Variants in TMEM168 observed in about 807,000 individuals in gnomAD.
TMEM168 encodes transmembrane protein 168.
In TMEM168, 40 loss-of-function variants were observed where a neutral mutation model predicts 53.2. The ratio of observed to expected loss-of-function variants is 0.75; its 90% confidence interval spans 0.58 to 0.98. TMEM168 has a LOEUF of 0.98. Ranked by LOEUF, TMEM168 falls within the 50% of genes least tolerant of loss-of-function variation. The probability of loss-of-function intolerance (pLI) is 0.00; values close to 1 mark genes in which losing one functional copy is unlikely to be tolerated. For missense variants in TMEM168, 771 were observed against 828.8 expected, an observed-to-expected ratio of 0.93 and a Z score of 0.86; for synonymous variants, 282 against 293.0, an observed-to-expected ratio of 0.96 and a Z score of 0.38.
At chr7:112,773,258 C>T (rs1016846602) in intron 3 of TMEM168, among the ~76,000 whole-genome samples, 2 of 152,042 alleles carry the variant, frequency 1.3e-5, no homozygotes, top group Non-Finnish European at 2.9e-5. Flanking sequence ...ATTATATTTA[C>T]TATCATTAAA....
chr7:112,784,586 T>C lies in TMEM168; in HGVS notation c.240A>G (p.Ile80Met). The change falls in exon 2 of 5, where the codon ATA becomes ATG. Residue 80 changes from isoleucine to methionine, a missense_variant. Transcript: ENST00000312814. ...LGLFVLGIASILYYYFSMEAA... is the reference protein window; with the variant it reads ...LGLFVLGIASMLYYYFSMEAA... ...CTTCCATTGAAAAATAGTAATAGAG[T>C]ATGCTGGCGATTCCAAGAACAAAAA... is the stretch of plus-strand genomic sequence containing the variant. 1.2e-6 allele frequency: 2 copies of C among 1,612,398 alleles called. No individual in the cohort carries two copies. Among genetic ancestry groups the C allele is most frequent in the East Asian group, 4.5e-5 (2 of 44,858 alleles).
intron 3 of TMEM168, among the ~76,000 whole-genome samples, chr7:112,774,212 A>T (rs1347715323): frequency 2.6e-5 from 4 of 152,218 alleles, no homozygotes; most frequent in Non-Finnish European, 4.4e-5. Flanking sequence ...ATGTAGCAAC[A>T]TTTACAGATT....
chr7:112,783,573 A>G (rs1253065749), intron 2 of TMEM168, 125 bp downstream of exon 2: 1 of 1,041,084 alleles, frequency 9.6e-7, no homozygotes, highest in African/African-American at 1.7e-5. Context: ...TCCATGAACA[A>G]AATTAAGAGC....
chr7:112,772,282 TTAAC>T (rs1269840563), intron 4 of TMEM168, among the ~76,000 whole-genome samples: 1 of 152,142 alleles, frequency 6.6e-6, no homozygotes, highest in Non-Finnish European at 1.5e-5. Flanking sequence ...CCAACAGAAG[TTAAC>T]TAACTTGCCT....
intron 1 of TMEM168, among the ~76,000 whole-genome samples, chr7:112,787,036 C>T (rs1365652032): frequency 1.3e-5 from 2 of 152,164 alleles, no homozygotes; most frequent in Non-Finnish European, 2.9e-5. Context: ...TCTTTCCTTC[C>T]GCCTCTTCTA....
At position 112,790,263 on chromosome 7, in the gene TMEM168, G is replaced by A. The variant is rs1488995001; in HGVS notation, c.-232C>T. The A allele has an allele frequency of 2.0e-5, 3 of 152,640 alleles. No individual in the cohort carries two copies. Among genetic ancestry groups the A allele is most frequent in the Admixed American group, 6.5e-5 (1 of 15,296 alleles). 9.5% of individuals were successfully genotyped at this position (152,640 alleles called of 1,614,324 possible). A position where few individuals can be genotyped will look rare whatever the true frequency, so the allele number is the denominator to read the frequency against. On this transcript the variant is annotated 5_prime_UTR_variant, in exon 1 of 5. Transcript: ENST00000312814. ...AGACAAGGCTTCAGCCTGCGACTGA[G>A]AACAGGGAGGCGGCACGCCTTGGGG...
Position 112,784,864 on chromosome 7 carries a change from A to G in TMEM168, c.-39T>C. 2 of 1,502,568 alleles carry G rather than the reference A, an allele frequency of 1.3e-6. No homozygotes were observed. The highest frequency in any genetic ancestry group is 1.8e-6 in the Non-Finnish European group (2 of 1,134,982). 93.1% of individuals were successfully genotyped at this position (1,502,568 alleles called of 1,614,324 possible). A position where few individuals can be genotyped will look rare whatever the true frequency, so the allele number is the denominator to read the frequency against. ...TGGGCTTTTCCCTCACGTTACAAAA[A>G]TTAACCGCTTGTATTTCATCCAGTA... On this transcript the variant is annotated 5_prime_UTR_variant, in exon 2 of 5. Transcript: ENST00000312814.
chr7:112,774,819 G>C (rs921756538), intron 3 of TMEM168, among the ~76,000 whole-genome samples: 3 of 151,992 alleles, frequency 2.0e-5, no homozygotes, highest in African/African-American at 7.3e-5. Flanking sequence ...GACCTCAGGT[G>C]ATCCGCCCGC....
rs1792782144 is a variant in TMEM168 at position 112,766,488 on chromosome 7, G to C, written c.*709C>G. On this transcript the variant is annotated 3_prime_UTR_variant, in exon 5 of 5. Coordinates refer to ENST00000312814, the MANE Select transcript of TMEM168 (RefSeq NM_022484.6). ...GAAAACATTAAGTTACCCTGAGAAA[G>C]ACTCTTAATATTACCAGTGTTTTCA... The C allele has an allele frequency of 6.6e-6, 1 of 152,592 alleles. No homozygotes were observed. The highest frequency in any genetic ancestry group is 2.4e-5 in the African/African-American group (1 of 41,442). 9.5% of individuals were successfully genotyped at this position (152,592 alleles called of 1,614,324 possible).
At chr7:112,774,360 T>A (rs1435057618) in intron 3 of TMEM168, among the ~76,000 whole-genome samples, 1 of 96,592 alleles carries the variant, frequency 1.0e-5, no homozygotes, top group African/African-American at 3.6e-5. Context: ...TGTTTTTACA[T>A]TTTTTTTTTT....
chr7:112,777,305 C>T (rs1287426112), intron 2 of TMEM168, among the ~76,000 whole-genome samples: 2 of 152,074 alleles, frequency 1.3e-5, no homozygotes, highest in Non-Finnish European at 2.9e-5. Context: ...TGATAATGGT[C>T]CAATTTTTTC....
chr7:112,784,288 C>CA lies in TMEM168; in HGVS notation c.537dup (p.Val180CysfsTer14), dbSNP rs756349889. ...GCCAGAGCTACAACAAGCAAAATGA[C>CA]ACTCAGAGACTTCTCCACCAACATA... On this transcript the variant is annotated frameshift_variant, in exon 2 of 5. Transcript: ENST00000312814. LOFTEE classifies it high-confidence loss of function. The CA allele has an allele frequency of 1.2e-6, 2 of 1,614,124 alleles. No individual in the cohort carries two copies. The highest frequency in any genetic ancestry group is 2.2e-5 in the South Asian group (2 of 91,080).
intron 3 of TMEM168, among the ~76,000 whole-genome samples, chr7:112,774,615 T>C (rs936491780): frequency 1.3e-5 from 2 of 151,614 alleles, no homozygotes; most frequent in Admixed American, 1.3e-4. Flanking sequence ...AGTCTTGCTC[T>C]TATCCCCCAG....
At position 112,784,367 on chromosome 7, in the gene TMEM168, T is replaced by C; in HGVS notation, c.459A>G (p.Leu153=). The C allele has an allele frequency of 1.2e-6, 2 of 1,614,128 alleles. No homozygotes were observed. Among genetic ancestry groups the C allele is most frequent in the Non-Finnish European group, 1.7e-6 (2 of 1,180,008 alleles). Residue 153 remains leucine (L), a synonymous_variant, in exon 2 of 5, where the codon TTA becomes TTG. Coordinates refer to ENST00000312814, the MANE Select transcript of TMEM168 (RefSeq NM_022484.6). ...ISGYVRHRPT[L]LTTVEFLELV... ...GCTCCAGAAATTCAACTGTGGTTAG[T>C]AAAGTGGGCCGATGACGGACATAAC...
Position 112,775,296 on chromosome 7 carries a change from C to A in TMEM168, c.1151G>T (p.Ser384Ile), listed in dbSNP as rs1793048405. The change falls in exon 3 of 5, where the codon AGC becomes ATC. Residue 384 changes from serine to isoleucine, a missense_variant. Coordinates refer to ENST00000312814, the MANE Select transcript of TMEM168 (RefSeq NM_022484.6). ...SWQPTNGIFL[S>I]MFLIVLPLES... The stretch of plus-strand genomic sequence containing the variant: ...CAATGGCAAAACGATTAGAAACATG[C>A]TCAAGAAAATTCCATTTGTTGGCTA... 6.2e-7 allele frequency: 1 copy of A among 1,613,038 alleles called. No individual in the cohort carries two copies. Among genetic ancestry groups the A allele is most frequent in the Non-Finnish European group, 8.5e-7 (1 of 1,179,576 alleles).
intron 1 of TMEM168, among the ~76,000 whole-genome samples, chr7:112,788,027 C>T (rs1306283558): frequency 3.3e-5 from 5 of 152,022 alleles, no homozygotes; most frequent in African/African-American, 7.3e-5. Flanking sequence ...CCACTGCACC[C>T]GGCCATATCC....
rs1345357003 is a variant in TMEM168, at chr7:112,765,540, T to C, written c.*1657A>G. 1 of 152,172 alleles carries C rather than the reference T, an allele frequency of 6.6e-6. No individual in the cohort carries two copies. The highest frequency in any genetic ancestry group is 2.4e-5 in the African/African-American group (1 of 41,446). The allele number at this position is 152,172 out of a possible 1,614,324, so 9.4% of individuals were successfully genotyped here. Reference sequence around the variant, plus strand: ...AAGCTCATAATTTTAACATTTGGCTTTTCTACTACCCTACTGCTGAACAGA... The same window carrying C: ...AAGCTCATAATTTTAACATTTGGCTCTTCTACTACCCTACTGCTGAACAGA... On this transcript the variant is annotated 3_prime_UTR_variant, in exon 5 of 5. Coordinates refer to ENST00000312814, the MANE Select transcript of TMEM168 (RefSeq NM_022484.6).
chr7:112,767,995 A>G (rs1285641670), intron 4 of TMEM168, among the ~76,000 whole-genome samples: 1 of 152,204 alleles, frequency 6.6e-6, no homozygotes, highest in Non-Finnish European at 1.5e-5. Context: ...ATAAAAAGGA[A>G]TCTGCTAGTA....
chr7:112,773,603 C>T (rs1333874459), intron 3 of TMEM168, among the ~76,000 whole-genome samples: 1 of 151,808 alleles, frequency 6.6e-6, no homozygotes, highest in Admixed American at 6.6e-5. Flanking sequence ...AAATTTAGGT[C>T]CATTGCTTTA....
Sources: gnomAD v4.1 joint callset for allele counts (sites outside exome capture counted in the v4.1 genomes callset) on GRCh38, gnomAD v4.1.1 for gene constraint, MANE v1.5 for transcripts, NCBI Gene and HGNC (gene_info 2026-07-23, HGNC 2026-07-21) for gene names.